KLHL29: variants seen among roughly 807,000 people sequenced by gnomAD.
KLHL29 encodes kelch-like protein 29.
KLHL29 carries 21 observed loss-of-function variants against 80.4 expected under a neutral mutation model. The ratio of observed to expected loss-of-function variants is 0.26; its 90% CI spans 0.19 to 0.38. The LOEUF (loss-of-function observed/expected upper bound fraction) is 0.38, where lower values mean the gene tolerates loss of function less well. KLHL29 is among the 10% of genes least tolerant of loss of function. The pLI is 1.00. For synonymous variants in KLHL29, 511 were observed against 526.8 expected (o/e 0.97, Z 0.41); for missense variants, 867 against 1,223.9 (o/e 0.71, Z 4.35).
At chr2:23,634,466 C>A (rs1558417313) in intron 3 of KLHL29, among the ~76,000 whole-genome samples, 1 of 152,168 alleles carries the variant, frequency 6.6e-6, no homozygotes, top group Non-Finnish European at 1.5e-5. Flanking sequence ...CAGGCCCAGC[C>A]CATCTCTTCT....
At chr2:23,432,988 A>C (rs1663226839) in intron 1 of KLHL29, among the ~76,000 whole-genome samples, 2 of 152,294 alleles carry the variant, frequency 1.3e-5, no homozygotes, top group South Asian at 4.1e-4. Context: ...AAGGAATCAA[A>C]GGGGACTTTG....
intron 3 of KLHL29, among the ~76,000 whole-genome samples, chr2:23,605,879 C>T (rs897394835): frequency 4.6e-5 from 7 of 151,942 alleles, no homozygotes; most frequent in Admixed American, 4.6e-4. Flanking sequence ...AAGTGATTCT[C>T]GTGTCTCAGC....
chr2:23,693,188 G>A, intron 7 of KLHL29, 81 bp from the exon 8 acceptor site: 1 of 1,466,950 alleles, frequency 6.8e-7, no homozygotes, highest in Non-Finnish European at 9.1e-7. Flanking sequence ...TTCAGAGAAG[G>A]ATCTAGGGTG....
At chr2:23,516,599 C>T (rs544064118) in intron 2 of KLHL29, among the ~76,000 whole-genome samples, 6 of 152,346 alleles carry the variant, frequency 3.9e-5, no homozygotes, top group Non-Finnish European at 8.8e-5. Flanking sequence ...CAGGTAGCCC[C>T]ATGGCCGTTG....
chr2:23,701,475 G>C (rs1672359728), intron 11 of KLHL29, among the ~76,000 whole-genome samples: 1 of 152,186 alleles, frequency 6.6e-6, no homozygotes, highest in Non-Finnish European at 1.5e-5. Flanking sequence ...CACTTTAGGA[G>C]GCCAAGGTGG....
intron 1 of KLHL29, among the ~76,000 whole-genome samples, chr2:23,435,369 T>A (rs940908579): frequency 4.6e-5 from 7 of 152,120 alleles, no homozygotes; most frequent in African/African-American, 1.7e-4. Flanking sequence ...AGATGGCCTG[T>A]CAAGTGGAGG....
chr2:23,696,599 A>C lies in KLHL29; in HGVS notation c.2105+86A>C. The C allele has an allele frequency of 2.8e-6, 3 of 1,090,322 alleles. No homozygotes were observed. In the South Asian group the frequency reaches 4.9e-5, roughly 18 times the overall value. The allele number at this position is 1,090,322 out of a possible 1,614,324, so 67.5% of individuals were successfully genotyped here. ...TCACTCACTGTACCTCCCAACACCCACTCAGTGGCGATGGAGCAGAGCCTG... is the reference window on the plus strand; with the variant it reads ...TCACTCACTGTACCTCCCAACACCCCCTCAGTGGCGATGGAGCAGAGCCTG... On this transcript the variant is annotated intron_variant, in intron 11 of 13. Coordinates refer to ENST00000486442, the MANE Select transcript of KLHL29 (RefSeq NM_052920.2). This position sits in a 1 kb window ranked among gnomAD's most constrained non-coding sequence, Gnocchi z 5.5.
chr2:23,656,439 A>G (rs1322429612), intron 5 of KLHL29, among the ~76,000 whole-genome samples: 1 of 152,230 alleles, frequency 6.6e-6, no homozygotes, highest in Non-Finnish European at 1.5e-5. Flanking sequence ...CAGGCATGAG[A>G]AATGTCAGCA....
chr2:23,624,410 C>T (rs769057837), intron 3 of KLHL29, among the ~76,000 whole-genome samples: 5 of 152,154 alleles, frequency 3.3e-5, no homozygotes, highest in Admixed American at 2.0e-4. Flanking sequence ...CAATCCCATG[C>T]TGATATCCAC....
chr2:23,653,453 T>C (rs1485282816), intron 5 of KLHL29, among the ~76,000 whole-genome samples: 1 of 152,226 alleles, frequency 6.6e-6, no homozygotes, highest in East Asian at 1.9e-4. Flanking sequence ...CTTGCCCATG[T>C]GGTGCACGCT....
chr2:23,697,816 ACTGC>A (rs1672065270), intron 11 of KLHL29: 1 of 152,146 alleles, frequency 6.6e-6, no homozygotes, highest in Non-Finnish European at 1.5e-5. Flanking sequence ...AGTGTGACCC[ACTGC>A]CCAGCTATGC....
chr2:23,456,087 A>G (rs1197019800), intron 1 of KLHL29, among the ~76,000 whole-genome samples: 6 of 152,166 alleles, frequency 3.9e-5, no homozygotes, highest in South Asian at 2.1e-4. Flanking sequence ...GGCCTCCAGA[A>G]CTGTGAGAAA....
intron 2 of KLHL29, among the ~76,000 whole-genome samples, chr2:23,536,918 A>ACT (rs1553336407): frequency 1.6e-4 from 22 of 140,736 alleles, no homozygotes; most frequent in African/African-American, 5.1e-4. Context: ...ACACACACAC[A>ACT]CTCTCTCTCT....
In KLHL29 at chr2:23,706,830, C is replaced by CAAAGGCGAGGATGAT; in HGVS notation, c.*166_*167insAAAGGCGAGGATGAT. The CAAAGGCGAGGATGAT allele has an allele frequency of 1.8e-6, 1 of 554,942 alleles. No homozygotes were observed. The highest frequency in any genetic ancestry group is 3.0e-6 in the Non-Finnish European group (1 of 335,720). The allele number at this position is 554,942 out of a possible 1,614,324, so 34.4% of individuals were successfully genotyped here. On this transcript the variant is annotated 3_prime_UTR_variant, in exon 14 of 14. Coordinates refer to ENST00000486442, the MANE Select transcript of KLHL29 (RefSeq NM_052920.2). ...TCTACATTGAATGTAGAAAATCATC[C>CAAAGGCGAGGATGAT]TCGCCTTTGGATGAAACGGAGGCAC...
intron 5 of KLHL29, among the ~76,000 whole-genome samples, chr2:23,655,757 G>C (rs1170784495): frequency 6.6e-6 from 1 of 152,192 alleles, no homozygotes; most frequent in South Asian, 2.1e-4. Flanking sequence ...ACTGGTGCAG[G>C]GTGGTCCCCG....
chr2:23,556,586 G>A (rs1667303231), intron 2 of KLHL29, among the ~76,000 whole-genome samples: 1 of 151,954 alleles, frequency 6.6e-6, no homozygotes, highest in South Asian at 2.1e-4. Context: ...CTGGGAGTTG[G>A]AGGTTGCGGT....
intron 1 of KLHL29, among the ~76,000 whole-genome samples, chr2:23,389,865 G>A (rs1382698112): frequency 6.6e-6 from 1 of 152,092 alleles, no homozygotes; most frequent in East Asian, 1.9e-4. Context: ...AGTAATCTGG[G>A]GTCATCGCCT....
chr2:23,417,991 C>T (rs1438360155), intron 1 of KLHL29, among the ~76,000 whole-genome samples: 2 of 152,206 alleles, frequency 1.3e-5, no homozygotes, highest in East Asian at 3.8e-4. Context: ...TCATCTTTCC[C>T]CTCAGCTAGA....
intron 1 of KLHL29, among the ~76,000 whole-genome samples, chr2:23,434,320 C>CAAAAA (rs34991893): frequency 3.3e-4 from 18 of 54,900 alleles, no homozygotes; most frequent in African/African-American, 8.0e-4. Context: ...GACTCCGTCT[C>CAAAAA]AAAAAAAAAA....
Sources: allele counts gnomAD v4.1 joint callset (sites outside exome capture counted in the v4.1 genomes callset), GRCh38; gene constraint gnomAD v4.1.1; non-coding constraint Gnocchi (gnomAD v3.1); transcripts MANE v1.5; gene names NCBI Gene and HGNC (gene_info 2026-07-23, HGNC 2026-07-21).